Variants in RAB40B observed in about 807,000 individuals in gnomAD.
RAB40B encodes ras-related protein Rab-40B.
In RAB40B, 21 loss-of-function variants were observed where a neutral mutation model predicts 24.0. That is an observed-to-expected ratio of 0.88 (90% confidence interval 0.62 to 1.26). The LOEUF is 1.26. Ranked by LOEUF, RAB40B falls within the 50% of genes most tolerant of loss-of-function variation. RAB40B has a pLI of 0.00. For missense variants in RAB40B, 348 were observed against 390.5 expected, an observed-to-expected ratio of 0.89 and a Z score of 0.92; for synonymous variants, 167 against 169.8, an observed-to-expected ratio of 0.98 and a Z score of 0.13.
rs111938469 is a variant in RAB40B at position 82,695,753 on chromosome 17, A to G, written c.142+2702T>C. Among the ~76,000 whole-genome samples, 1,133 of 152,046 alleles carry G rather than the reference A, an allele frequency of 7.5e-3. 27 individuals carry two copies. Among genetic ancestry groups the G allele is most frequent in the African/African-American group, 0.026 (1,082 of 41,386 alleles). ...AACATAATGATCTCAACTTCTTACT[A>G]TTTTTCAGAATATCTTTTCTTAACT... is the stretch of plus-strand genomic sequence containing the variant. On this transcript the variant is annotated intron_variant, in intron 1 of 5. Transcript: ENST00000571995.
chr17:82,671,203 C>T (rs1377416468), intron 1 of RAB40B, among the ~76,000 whole-genome samples: 1 of 139,248 alleles, frequency 7.2e-6, no homozygotes, highest in African/African-American at 2.6e-5. Flanking sequence ...CCCCGTAACT[C>T]TAACACACAC....
intron 1 of RAB40B, among the ~76,000 whole-genome samples, chr17:82,683,905 C>T (rs1408256869): frequency 6.6e-6 from 1 of 151,340 alleles, no homozygotes; most frequent in Non-Finnish European, 1.5e-5. Context: ...TAGATGAGCA[C>T]AGGAAATGCA....
chr17:82,664,521 C>G lies in RAB40B; in HGVS notation c.178G>C (p.Gly60Arg). The G allele has an allele frequency of 5.6e-6, 9 of 1,613,542 alleles. No individual in the cohort carries two copies. Among genetic ancestry groups the G allele is most frequent in the Non-Finnish European group, 7.6e-6 (9 of 1,179,644 alleles). The change falls in exon 2 of 6, where the codon GGG becomes CGG. Residue 60 changes from glycine to arginine, a missense_variant. By Grantham distance (125) the Gly-to-Arg change is moderately radical. Coordinates refer to ENST00000571995, the MANE Select transcript of RAB40B (RefSeq NM_006822.3). ...DYKTTTILLD[G>R]RRVKLQLWDT... ...CAGAGCTGCAGCTTCACCCGCCGCC[C>G]GTCCAGCAGGATGGTGGTCGTCTTG...
rs564900990 is a variant in RAB40B, at chr17:82,660,010, G to A, written c.265-353C>T. 6.6e-5 allele frequency among the ~76,000 whole-genome samples: 10 copies of A among 152,312 alleles called. No individual in the cohort carries two copies. The South Asian group carries it at 1.0e-3, about 16-fold the overall frequency. On this transcript the variant is annotated intron_variant, in intron 3 of 5. Transcript: ENST00000571995. ...ACGTGCACATACACATGGAGCTCAC[G>A]CACACACAGGCACTTGTGCACAGAT...
intron 1 of RAB40B, among the ~76,000 whole-genome samples, chr17:82,688,281 A>C (rs576441904): frequency 1.3e-5 from 2 of 151,630 alleles, no homozygotes; most frequent in South Asian, 4.2e-4. Context: ...CTGGGATTAC[A>C]GGTGTGAGCC....
In RAB40B at chr17:82,659,390, T is replaced by C. The variant is rs1490222986; in HGVS notation, c.342+190A>G. On this transcript the variant is annotated intron_variant, in intron 4 of 5. Coordinates refer to ENST00000571995, the MANE Select transcript of RAB40B (RefSeq NM_006822.3). ...CCAGCTTCCTGAGCTTTCGTGATTG[T>C]AGCTATCACCAAAGCCCTATCCAGT... The C allele has an allele frequency of 8.5e-6, 5 of 587,866 alleles. No homozygotes were observed. In the East Asian group the frequency reaches 1.1e-4, roughly 13 times the overall value. 36.4% of individuals were successfully genotyped at this position (587,866 alleles called of 1,614,324 possible).
intron 5 of RAB40B, 106 bp from the exon 6 acceptor site, chr17:82,658,240 C>T: frequency 6.8e-7 from 1 of 1,473,300 alleles, no homozygotes; most frequent in Non-Finnish European, 9.1e-7. Context: ...GCTCGGACGC[C>T]CGTGGCCCTG....
chr17:82,658,326 T>C (rs2046113212), intron 5 of RAB40B, 165 bp downstream of exon 5: 5 of 1,074,238 alleles, frequency 4.7e-6, no homozygotes, highest in African/African-American at 1.6e-5. Flanking sequence ...CTCATGAGCT[T>C]TCTGACAAAG....
intron 1 of RAB40B, among the ~76,000 whole-genome samples, chr17:82,684,119 G>T (rs973567155): frequency 6.6e-6 from 1 of 151,412 alleles, no homozygotes; most frequent in Non-Finnish European, 1.5e-5. Context: ...TACTCGGGAG[G>T]CTGAGGCAGG....
chr17:82,662,417 G>A, intron 2 of RAB40B: 1 of 985,474 alleles, frequency 1.0e-6, no homozygotes, highest in Non-Finnish European at 1.2e-6. Flanking sequence ...CCATCGTGAA[G>A]TGGGAGCACT....
Position 82,698,611 on chromosome 17 carries a change from G to A in RAB40B, c.-15C>T. On this transcript the variant is annotated 5_prime_UTR_variant, in exon 1 of 6. Coordinates refer to ENST00000571995, the MANE Select transcript of RAB40B (RefSeq NM_006822.3). ...AGGGCGCTCATCGTGACGGCCCGGCGCCCCCACCCATGCCCGGCCTGCGGG... is the reference window on the plus strand; with the variant it reads ...AGGGCGCTCATCGTGACGGCCCGGCACCCCCACCCATGCCCGGCCTGCGGG... The A allele has an allele frequency of 7.0e-7, 1 of 1,434,856 alleles. No individual in the cohort carries two copies. The highest frequency in any genetic ancestry group is 9.3e-7 in the Non-Finnish European group (1 of 1,077,592). The allele number at this position is 1,434,856 out of a possible 1,614,324, so 88.9% of individuals were successfully genotyped here.
chr17:82,687,033 G>T (rs141785750), intron 1 of RAB40B, among the ~76,000 whole-genome samples: 9 of 152,272 alleles, frequency 5.9e-5, no homozygotes, highest in Non-Finnish European at 1.0e-4. Context: ...TGGGGGGAAG[G>T]GTGCTCAGAG....
At chr17:82,693,853 C>T (rs549054077) in intron 1 of RAB40B, among the ~76,000 whole-genome samples, 12 of 150,890 alleles carry the variant, frequency 8.0e-5, no homozygotes, top group African/African-American at 1.7e-4. Context: ...GAGGCCGAGG[C>T]GGGCAGATCA....
At chr17:82,662,507 C>T (rs1598295909) in intron 2 of RAB40B, 1 of 985,432 alleles carries the variant, frequency 1.0e-6, no homozygotes, top group Non-Finnish European at 1.2e-6. Context: ...AACCCCAGCC[C>T]CAGTGGGTGT....
intron 1 of RAB40B, among the ~76,000 whole-genome samples, chr17:82,687,826 C>T (rs922867876): frequency 1.9e-4 from 29 of 152,300 alleles, no homozygotes; most frequent in African/African-American, 6.3e-4. Context: ...AATCTCAACA[C>T]TTTGGGAAGC....
At position 82,675,963 on chromosome 17, in the gene RAB40B, C is replaced by T. The variant is rs901268214; in HGVS notation, c.143-11407G>A. Among the ~76,000 whole-genome samples, 1 of 152,110 alleles carries T rather than the reference C, an allele frequency of 6.6e-6. No homozygotes were observed. Among genetic ancestry groups the T allele is most frequent in the Admixed American group, 6.5e-5 (1 of 15,280 alleles). The stretch of plus-strand genomic sequence containing the variant: ...GTGACGACCTGAAGCCCCTGGTACT[C>T]TGAGTCTCCTGGTACGGGACGGTGA... On this transcript the variant is annotated intron_variant, in intron 1 of 5. Transcript: ENST00000571995. The surrounding 1 kb of genome is among the most constrained non-coding windows in gnomAD (Gnocchi z 4.5).
At chr17:82,682,076 C>A (rs563799249) in intron 1 of RAB40B, among the ~76,000 whole-genome samples, 1 of 151,840 alleles carries the variant, frequency 6.6e-6, no homozygotes, top group East Asian at 1.9e-4. Flanking sequence ...CAGATTAAAA[C>A]CATCTCGATT....
At position 82,656,093 on chromosome 17, in the gene RAB40B, T is replaced by C. The variant is rs1459537287; in HGVS notation, c.*1770A>G. ...CCTCCTGAGTAGCTGGGATTACAGG[T>C]GTGCGCTGCCATGCCAAGCCAATTT... On this transcript the variant is annotated 3_prime_UTR_variant, in exon 6 of 6. Transcript: ENST00000571995. The C allele has an allele frequency of 6.6e-6, 1 of 151,752 alleles. No homozygotes were observed. The highest frequency in any genetic ancestry group is 2.4e-5 in the African/African-American group (1 of 41,272). The allele number at this position is 151,752 out of a possible 1,614,324, so 9.4% of individuals were successfully genotyped here.
At chr17:82,661,183 A>G (rs1411026487) in intron 2 of RAB40B, 136 bp from the exon 3 acceptor site, 13 of 1,464,646 alleles carry the variant, frequency 8.9e-6, no homozygotes, top group Non-Finnish European at 1.2e-5. Flanking sequence ...GTGAGACCCC[A>G]ACAAAACTTT....
Sources: allele counts gnomAD v4.1 joint callset (sites outside exome capture counted in the v4.1 genomes callset), GRCh38; gene constraint gnomAD v4.1.1; non-coding constraint Gnocchi (gnomAD v3.1); transcripts MANE v1.5; gene names NCBI Gene and HGNC (gene_info 2026-07-23, HGNC 2026-07-21).